Variants in ASB11 observed in about 807,000 individuals in gnomAD.
ASB11 encodes ankyrin repeat and SOCS box protein 11.
In ASB11, 17 loss-of-function variants were observed where a neutral mutation model predicts 20.1. The ratio of observed to expected loss-of-function variants is 0.85; its 90% CI spans 0.58 to 1.27. The LOEUF is 1.27. ASB11 is among the 50% of genes most tolerant of loss of function. ASB11 has a pLI of 0.00. For synonymous variants in ASB11, 107 were observed against 105.6 expected (o/e 1.01, Z -0.08); for missense variants, 259 against 256.9 (o/e 1.01, Z -0.06).
rs1395327860 is a variant in ASB11, at chrX:15,289,745, C to G, written c.521-107G>C. On this transcript the variant is annotated intron_variant, in intron 4 of 6. Coordinates refer to ENST00000480796, the MANE Select transcript of ASB11 (RefSeq NM_080873.3). ...GGCTTTAGAAATAACCTAGGTTGGCCGGGTGTGGTGGCTCACGCCTGTAAT... is the reference window on the plus strand; with the variant it reads ...GGCTTTAGAAATAACCTAGGTTGGCGGGGTGTGGTGGCTCACGCCTGTAAT... 6.3e-6 allele frequency: 6 copies of G among 950,231 alleles called. No homozygotes were observed. In the East Asian group the frequency reaches 2.0e-4, roughly 32 times the overall value. The allele number at this position is 950,231 out of a possible 1,213,427, so 78.3% of individuals were successfully genotyped here. A position where few individuals can be genotyped will look rare whatever the true frequency, so the allele number is the denominator to read the frequency against.
chrX:15,283,844 C>T (rs6632183), intron 6 of ASB11, among the ~76,000 whole-genome samples: 41,974 of 110,489 alleles, frequency 0.38, 6,475 homozygotes, highest in South Asian at 0.59. Context: ...GTTAATCTTC[C>T]AATGGTACTT....
intron 1 of ASB11, among the ~76,000 whole-genome samples, chrX:15,309,319 C>G (rs1292279963): frequency 1.9e-5 from 2 of 108,098 alleles, no homozygotes; most frequent in Non-Finnish European, 3.8e-5. Context: ...AGAGTGTGAA[C>G]TGAACATACA....
chrX:15,284,108 C>A (rs1391537583), intron 6 of ASB11, among the ~76,000 whole-genome samples: 2 of 106,864 alleles, frequency 1.9e-5, no homozygotes, highest in Non-Finnish European at 3.8e-5. Flanking sequence ...AAAAATTAGC[C>A]GGGTGTGGTG....
chrX:15,307,375 C>T (rs1921277174), intron 1 of ASB11, among the ~76,000 whole-genome samples: 1 of 112,342 alleles, frequency 8.9e-6, no homozygotes, highest in African/African-American at 3.2e-5. Context: ...ACAATTTTTC[C>T]ACAGATGAGG....
chrX:15,297,473 C>G, intron 3 of ASB11, 101 bp downstream of exon 3: 1 of 660,688 alleles, frequency 1.5e-6, no homozygotes, highest in Non-Finnish European at 2.3e-6. Context: ...CCAGCCCAGC[C>G]CTTACCCACA....
intron 1 of ASB11, among the ~76,000 whole-genome samples, chrX:15,307,945 C>T (rs1021061321): frequency 6.2e-5 from 7 of 112,199 alleles, no homozygotes; most frequent in African/African-American, 2.3e-4. Flanking sequence ...ATCCTCTTCA[C>T]AGCTCCTGGC....
intron 6 of ASB11, among the ~76,000 whole-genome samples, chrX:15,287,092 A>G (rs906452006): frequency 1.8e-5 from 2 of 111,793 alleles, no homozygotes; most frequent in Non-Finnish European, 3.8e-5. Flanking sequence ...GAATGAAGCA[A>G]TGAAGAATGC....
chrX:15,293,327 A>G lies in ASB11; in HGVS notation c.370-7T>C. On this transcript the variant is annotated splice_region_variant and splice_polypyrimidine_tract_variant and intron_variant, in intron 3 of 6. Coordinates refer to ENST00000480796, the MANE Select transcript of ASB11 (RefSeq NM_080873.3). ...GAACTGTCACTCCATTGACCTAATG[A>G]TGGGCAAAGAGAGACCCAAAGGATT... 8.3e-7 allele frequency: 1 copy of G among 1,201,558 alleles called. No homozygotes were observed. Among genetic ancestry groups the G allele is most frequent in the South Asian group, 1.8e-5 (1 of 54,834 alleles).
intron 1 of ASB11, among the ~76,000 whole-genome samples, chrX:15,305,549 T>C (rs1437610950): frequency 5.4e-5 from 6 of 110,289 alleles, no homozygotes; most frequent in African/African-American, 2.0e-4. Flanking sequence ...TTGTAACTTT[T>C]CTGTCGGCTG....
At chrX:15,287,220 T>C (rs2147685609) in intron 6 of ASB11, among the ~76,000 whole-genome samples, 1 of 113,039 alleles carries the variant, frequency 8.8e-6, no homozygotes, top group Non-Finnish European at 1.9e-5. Context: ...GAATTTGCCA[T>C]CAGATTGTCT....
Position 15,311,773 on chromosome X carries a change from G to T in ASB11, c.181+3652C>A, listed in dbSNP as rs182064731. Among the ~76,000 whole-genome samples, 18 of 110,631 alleles carry T rather than the reference G, an allele frequency of 1.6e-4. No homozygotes were observed. In the East Asian group the frequency reaches 5.1e-3, roughly 31 times the overall value. ...CCCAAATTTGATGCAAACTTGTTTA[G>T]CAGCAAAGCATGGCCAGGACTTAGG... On this transcript the variant is annotated intron_variant, in intron 1 of 6. Coordinates refer to ENST00000480796, the MANE Select transcript of ASB11 (RefSeq NM_080873.3).
At chrX:15,314,164 T>C (rs1413872693) in intron 1 of ASB11, among the ~76,000 whole-genome samples, 2 of 110,382 alleles carry the variant, frequency 1.8e-5, no homozygotes, top group Non-Finnish European at 3.8e-5. Flanking sequence ...CTTGCCAATA[T>C]TGACTTTGTT....
chrX:15,291,270 A>G (rs768112875), intron 4 of ASB11, among the ~76,000 whole-genome samples: 2 of 111,933 alleles, frequency 1.8e-5, no homozygotes, highest in Admixed American at 9.6e-5. Context: ...TTTTATAGGC[A>G]CATAGATACC....
intron 2 of ASB11, among the ~76,000 whole-genome samples, chrX:15,299,118 C>T (rs1044789479): frequency 1.6e-4 from 18 of 112,056 alleles, no homozygotes; most frequent in African/African-American, 5.8e-4. Context: ...CTGATGATCA[C>T]GTTCTATCTG....
chrX:15,312,014 T>A (rs1453932904), intron 1 of ASB11, among the ~76,000 whole-genome samples: 3 of 110,621 alleles, frequency 2.7e-5, no homozygotes, highest in Non-Finnish European at 5.7e-5. Context: ...TAACAGATGA[T>A]CAATCTGTAT....
At chrX:15,297,494 C>CA in intron 3 of ASB11, 80 bp downstream of exon 3, 2 of 858,054 alleles carry the variant, frequency 2.3e-6, no homozygotes, top group Non-Finnish European at 3.3e-6. Context: ...GTGGGTAAGC[C>CA]ATCTGGAAGG....
At position 15,288,036 on chromosome X, in the gene ASB11, G is replaced by A. The variant is rs768472092; in HGVS notation, c.692C>T (p.Pro231Leu). The change falls in exon 6 of 7, where the codon CCA becomes CTA. Residue 231 changes from proline to leucine, a missense_variant. By Grantham distance (98) the Pro-to-Leu change is moderately conservative. Transcript: ENST00000480796. ...SVDHGQWLDT[P>L]LHAAARQSNV... ...GGACTGCCTCGCTGCAGCATGGAGT[G>A]GGGTGTCCAGCCACTGGCCATGGTC... 4.1e-6 allele frequency: 5 copies of A among 1,209,392 alleles called. No individual in the cohort carries two copies. Among genetic ancestry groups the A allele is most frequent in the Admixed American group, 2.2e-5 (1 of 45,602 alleles).
At chrX:15,285,996 A>T (rs1927375287) in intron 6 of ASB11, among the ~76,000 whole-genome samples, 1 of 109,616 alleles carries the variant, frequency 9.1e-6, no homozygotes, top group African/African-American at 3.3e-5. Context: ...CAAGAGCAAA[A>T]CTCCGTCTAA....
chrX:15,305,911 C>T (rs750751415), intron 1 of ASB11, among the ~76,000 whole-genome samples: 3 of 110,820 alleles, frequency 2.7e-5, no homozygotes, highest in Non-Finnish European at 5.7e-5. Context: ...TTTTCCTGAT[C>T]GTCTCACTCC....
Sources: gnomAD v4.1 joint callset for allele counts (sites outside exome capture counted in the v4.1 genomes callset) on GRCh38, gnomAD v4.1.1 for gene constraint, MANE v1.5 for transcripts, NCBI Gene and HGNC (gene_info 2026-07-23, HGNC 2026-07-21) for gene names.